Variants in DENND1A observed in about 807,000 individuals in gnomAD.
DENND1A encodes DENN domain-containing protein 1A.
DENND1A carries 51 observed loss-of-function variants against 113.7 expected under a neutral mutation model. That is an observed-to-expected ratio of 0.45 (90% CI 0.36 to 0.57). The LOEUF is 0.57. DENND1A is among the 20% of genes least tolerant of loss of function. The pLI, the probability that DENND1A is intolerant of heterozygous loss-of-function variation, is 0.00. For synonymous variants in DENND1A, 565 were observed against 570.8 expected (o/e 0.99, Z 0.14); for missense variants, 1,258 against 1,395.9 (o/e 0.90, Z 1.57).
rs1261507213 is a variant in DENND1A at position 123,930,112 on chromosome 9, G to T, written c.-207C>A. ...TCGCTCCAGCCCGGCGAACGCCATG[G>T]TCGCCGGCGCGCGTGCCCGGCGCGC... On this transcript the variant is annotated 5_prime_UTR_variant, in exon 1 of 24. Coordinates refer to ENST00000394215, the MANE Select transcript of DENND1A (RefSeq NM_001352964.2). 1 of 193,624 alleles carries T rather than the reference G, an allele frequency of 5.2e-6. No individual in the cohort carries two copies. The highest frequency in any genetic ancestry group is 1.0e-5 in the Non-Finnish European group (1 of 96,452). 12.0% of individuals were successfully genotyped at this position (193,624 alleles called of 1,614,324 possible).
chr9:123,393,800 G>A (rs760124071), intron 21 of DENND1A, among the ~76,000 whole-genome samples: 49 of 152,294 alleles, frequency 3.2e-4, no homozygotes, highest in Middle Eastern at 3.4e-3. Context: ...CACAAGTCAC[G>A]ATCACCAGCA....
At chr9:123,585,090 G>GA (rs2059099993) in intron 11 of DENND1A, among the ~76,000 whole-genome samples, 1 of 151,926 alleles carries the variant, frequency 6.6e-6, no homozygotes, top group South Asian at 2.1e-4. Context: ...CACTAGGATT[G>GA]AAAAAACACT....
intron 14 of DENND1A, 86 bp from the exon 15 acceptor site, chr9:123,457,521 G>C: frequency 3.6e-6 from 4 of 1,120,514 alleles, no homozygotes; most frequent in Non-Finnish European, 5.3e-6. Flanking sequence ...CTGTATCCAA[G>C]GTAGGAGTTT....
At chr9:123,409,488 C>A (rs1193227629) in intron 20 of DENND1A, among the ~76,000 whole-genome samples, 1 of 151,256 alleles carries the variant, frequency 6.6e-6, no homozygotes, top group African/African-American at 2.4e-5. Context: ...CCGAAACAAA[C>A]TGAAAGCTGA....
chr9:123,453,212 C>G (rs1444455723), intron 16 of DENND1A, among the ~76,000 whole-genome samples: 1 of 152,152 alleles, frequency 6.6e-6, no homozygotes, highest in Non-Finnish European at 1.5e-5. Context: ...GGCAGGACAG[C>G]ACAGTAAATA....
rs561956133 is a variant in DENND1A, at chr9:123,527,409, T to C, written c.993+30161A>G. Among the ~76,000 whole-genome samples the C allele has an allele frequency of 2.6e-5, 4 of 152,354 alleles. No homozygotes were observed. In the East Asian group the frequency reaches 7.7e-4, roughly 29 times the overall value. ...TAAGGATTCATTTTAAGCTTCATGA[T>C]GTAGCTTATAAGGTCCTCTCTGATC... On this transcript the variant is annotated intron_variant, in intron 13 of 23. Coordinates refer to ENST00000394215, the MANE Select transcript of DENND1A (RefSeq NM_001352964.2).
intron 2 of DENND1A, among the ~76,000 whole-genome samples, chr9:123,824,977 TC>T (rs1839075804): frequency 6.6e-6 from 1 of 152,148 alleles, no homozygotes; most frequent in Admixed American, 6.5e-5. Flanking sequence ...AAGAAGGCCT[TC>T]TAAGAAAGAA....
At chr9:123,532,862 A>G (rs1329727609) in intron 13 of DENND1A, among the ~76,000 whole-genome samples, 1 of 152,206 alleles carries the variant, frequency 6.6e-6, no homozygotes, top group African/African-American at 2.4e-5. Flanking sequence ...AAGAGCTGCA[A>G]TGTGTATTAA....
At chr9:123,474,069 AC>A (rs2049693896) in intron 13 of DENND1A, among the ~76,000 whole-genome samples, 1 of 132,850 alleles carries the variant, frequency 7.5e-6, no homozygotes, top group Non-Finnish European at 1.5e-5. Flanking sequence ...ATCTTGGCTG[AC>A]CGCAACCTCT....
intron 13 of DENND1A, 122 bp from the exon 14 acceptor site, chr9:123,458,019 G>C (rs1359065546): frequency 2.2e-6 from 1 of 463,898 alleles, no homozygotes; most frequent in South Asian, 2.3e-5. Context: ...TTTTTTTTTT[G>C]AGATGGAGTC....
At chr9:123,818,628 A>G (rs1030242126) in intron 2 of DENND1A, among the ~76,000 whole-genome samples, 1 of 151,764 alleles carries the variant, frequency 6.6e-6, no homozygotes, top group African/African-American at 2.4e-5. Flanking sequence ...CACAAAATTC[A>G]TTTACATTTC....
chr9:123,753,588 A>G (rs527938925), intron 5 of DENND1A, among the ~76,000 whole-genome samples: 2 of 152,348 alleles, frequency 1.3e-5, no homozygotes, highest in Admixed American at 1.3e-4. Flanking sequence ...GTCCCATGAC[A>G]CCTGTCCTCT....
At chr9:123,711,273 T>A (rs1234408636) in intron 5 of DENND1A, among the ~76,000 whole-genome samples, 2 of 151,330 alleles carry the variant, frequency 1.3e-5, no homozygotes, top group Middle Eastern at 3.4e-3. Context: ...AAAACCAGCC[T>A]GGCCAACATG....
intron 2 of DENND1A, among the ~76,000 whole-genome samples, chr9:123,799,888 A>G (rs958779242): frequency 1.3e-5 from 2 of 152,256 alleles, no homozygotes; most frequent in Non-Finnish European, 2.9e-5. Context: ...TCGTAAGCAC[A>G]CAATAAATAT....
chr9:123,800,854 T>C (rs1834529178), intron 2 of DENND1A, among the ~76,000 whole-genome samples: 2 of 152,122 alleles, frequency 1.3e-5, no homozygotes, highest in Non-Finnish European at 2.9e-5. Flanking sequence ...TGAAAAAAAA[T>C]TGCTAAACAA....
In DENND1A at chr9:123,412,890, A is replaced by G. The variant is rs538013403; in HGVS notation, c.1489-1061T>C. On this transcript the variant is annotated intron_variant, in intron 19 of 23. Transcript: ENST00000394215. ...CTTGCCCCAGCCAAAAGGGGAGCCA[A>G]TGTCCCATGTGTCTGGTCCACGTTA... Among the ~76,000 whole-genome samples, 14 of 152,344 alleles carry G rather than the reference A, an allele frequency of 9.2e-5. No homozygotes were observed. The South Asian group carries it at 2.5e-3, about 27-fold the overall frequency.
intron 5 of DENND1A, among the ~76,000 whole-genome samples, chr9:123,747,393 C>T (rs1475409340): frequency 6.6e-6 from 1 of 152,056 alleles, no homozygotes; most frequent in East Asian, 1.9e-4. Flanking sequence ...GATTAGAAAC[C>T]ATAAATGATG....
intron 11 of DENND1A, among the ~76,000 whole-genome samples, chr9:123,596,928 T>G (rs772728412): frequency 6.6e-6 from 1 of 152,224 alleles, no homozygotes; most frequent in Non-Finnish European, 1.5e-5. Flanking sequence ...AGATGCATTA[T>G]GAAAATTAAA....
intron 11 of DENND1A, 103 bp downstream of exon 11, chr9:123,609,333 C>T: frequency 7.7e-7 from 1 of 1,302,808 alleles, no homozygotes; most frequent in Non-Finnish European, 1.1e-6. Flanking sequence ...TCAGCATGCT[C>T]CCACGTGCAG....
Sources: gnomAD v4.1 joint callset for allele counts (sites outside exome capture counted in the v4.1 genomes callset) on GRCh38, gnomAD v4.1.1 for gene constraint, MANE v1.5 for transcripts, NCBI Gene and HGNC (gene_info 2026-07-23, HGNC 2026-07-21) for gene names.